TMEM201: variants seen among roughly 807,000 people sequenced by gnomAD.
TMEM201 encodes RP13-15M17.2.
Under a neutral mutation model 63.4 loss-of-function variants are expected in TMEM201, and 26 were observed. The ratio of observed to expected loss-of-function variants is 0.41; its 90% CI spans 0.30 to 0.57. The LOEUF is 0.57. Among genes scored for constraint, TMEM201 ranks in the 20% least tolerant of loss-of-function variants. The pLI, the probability that TMEM201 is intolerant of heterozygous loss-of-function variation, is 0.29. For synonymous variants in TMEM201, 417 were observed against 421.6 expected, an observed-to-expected ratio of 0.99 and a Z score of 0.14; for missense variants, 794 against 917.7, an observed-to-expected ratio of 0.87 and a Z score of 1.74.
At chr1:9,601,057 G>C (rs776480595) in intron 4 of TMEM201, 48 bp from the exon 5 acceptor site, 1 of 1,503,262 alleles carries the variant, frequency 6.7e-7, no homozygotes, top group Non-Finnish European at 9.1e-7. Flanking sequence ...ATGGCTGGGG[G>C]TGGCTCTGTG....
chr1:9,600,353 C>T (rs996894741), intron 4 of TMEM201, among the ~76,000 whole-genome samples: 8 of 152,186 alleles, frequency 5.3e-5, no homozygotes, highest in Admixed American at 4.6e-4. Flanking sequence ...GCAAGTTTCT[C>T]AGCTTCCCTG....
chr1:9,591,586 G>C (rs527803463), intron 1 of TMEM201, among the ~76,000 whole-genome samples: 1 of 152,244 alleles, frequency 6.6e-6, no homozygotes, highest in Non-Finnish European at 1.5e-5. Flanking sequence ...CCCAGGATCC[G>C]TGCTCTGCCA....
At chr1:9,591,450 G>T (rs367874830) in intron 1 of TMEM201, among the ~76,000 whole-genome samples, 1 of 152,330 alleles carries the variant, frequency 6.6e-6, no homozygotes, top group Non-Finnish European at 1.5e-5. Flanking sequence ...CGGCACAGTT[G>T]GGGGGCAGAT....
At position 9,596,885 on chromosome 1, in the gene TMEM201, C is replaced by T. The variant is rs143914018; in HGVS notation, c.261C>T (p.Pro87=). The T allele has an allele frequency of 5.2e-5, 83 of 1,600,654 alleles. No homozygotes were observed. The highest frequency in any genetic ancestry group is 3.5e-4 in the African/African-American group (26 of 74,878). Residue 87 remains proline (P), a synonymous_variant, in exon 3 of 11, where the codon CCC becomes CCT. Coordinates refer to ENST00000340381, the MANE Select transcript of TMEM201 (RefSeq NM_001130924.3). ...ACGGCGACTACAACAAGCCGATCCC[C>T]GCCCAGTACTTGGAGCACCTGAACC... ...QENGDYNKPI[P]AQYLEHLNHV...
chr1:9,611,662 A>G lies in TMEM201; in HGVS notation c.1766-91A>G, dbSNP rs1028412710. ...GACAGCCTGGCTCACCACTTCTGAC[A>G]ACTGTCCTTAGAGTGGAAGTACAGC... On this transcript the variant is annotated intron_variant, in intron 9 of 10. Coordinates refer to ENST00000340381, the MANE Select transcript of TMEM201 (RefSeq NM_001130924.3). The G allele has an allele frequency of 1.4e-5, 21 of 1,519,174 alleles. No individual in the cohort carries two copies. In the African/African-American group the frequency reaches 2.6e-4, roughly 19 times the overall value. The allele number at this position is 1,519,174 out of a possible 1,614,324, so 94.1% of individuals were successfully genotyped here.
At chr1:9,612,891 G>A in intron 10 of TMEM201, 95 bp from the exon 11 acceptor site, 1 of 1,077,636 alleles carries the variant, frequency 9.3e-7, no homozygotes, top group Non-Finnish European at 1.4e-6. Context: ...GCAGAGCCTT[G>A]AGCTCCCCAC....
intron 6 of TMEM201, chr1:9,606,681 T>C (rs1166222061): frequency 2.0e-5 from 3 of 152,320 alleles, no homozygotes; most frequent in Non-Finnish European, 4.4e-5. Flanking sequence ...GGTGGACTAA[T>C]GTATTAACTG....
At chr1:9,590,451 A>G (rs1302313845) in intron 1 of TMEM201, among the ~76,000 whole-genome samples, 1 of 152,150 alleles carries the variant, frequency 6.6e-6, no homozygotes, top group Non-Finnish European at 1.5e-5. Flanking sequence ...TGCCAGCCAC[A>G]CAGCACCTCC....
chr1:9,600,190 A>G (rs1378083751), intron 4 of TMEM201, among the ~76,000 whole-genome samples: 1 of 152,160 alleles, frequency 6.6e-6, no homozygotes, highest in East Asian at 1.9e-4. Context: ...AGATTTTACT[A>G]CTTAACCTCC....
rs572971897 is a variant in TMEM201 at position 9,603,386 on chromosome 1, C to T, written c.1160+1114C>T. 1.7e-4 allele frequency: 165 copies of T among 985,518 alleles called. No homozygotes were observed. Among genetic ancestry groups the T allele is most frequent in the South Asian group, 3.3e-4 (7 of 21,290 alleles). 61.0% of individuals were successfully genotyped at this position (985,518 alleles called of 1,614,324 possible). On this transcript the variant is annotated intron_variant, in intron 6 of 10. Coordinates refer to ENST00000340381, the MANE Select transcript of TMEM201 (RefSeq NM_001130924.3). This position sits in a 1 kb window ranked among gnomAD's most constrained non-coding sequence, Gnocchi z 4.5. ...CACTCTGGAAGTCGAGGGGCTGCCA[C>T]GTGCAGAGGAAGTTCCCGGCCTGGG...
intron 4 of TMEM201, among the ~76,000 whole-genome samples, chr1:9,600,189 T>A (rs780618028): frequency 6.6e-6 from 1 of 152,200 alleles, no homozygotes; most frequent in Non-Finnish European, 1.5e-5. Flanking sequence ...TAGATTTTAC[T>A]ACTTAACCTC....
At position 9,596,828 on chromosome 1, in the gene TMEM201, G is replaced by A. The variant is rs761674175; in HGVS notation, c.235-31G>A. 1.9e-6 allele frequency: 3 copies of A among 1,554,992 alleles called. No homozygotes were observed. The South Asian group carries it at 3.6e-5, about 19-fold the overall frequency. On this transcript the variant is annotated intron_variant, in intron 2 of 10. Transcript: ENST00000340381. ...AAGCCTGAGCCAGCTGGGAGGGCCT[G>A]CCTGCCTCGAGTCCCACCTCTCTCC...
chr1:9,600,755 C>T (rs1443999540), intron 4 of TMEM201, among the ~76,000 whole-genome samples: 1 of 151,724 alleles, frequency 6.6e-6, no homozygotes, highest in Non-Finnish European at 1.5e-5. Flanking sequence ...CCCATCTCTA[C>T]AAAAAAAATA....
chr1:9,591,785 C>G (rs1465926337), intron 1 of TMEM201, among the ~76,000 whole-genome samples: 1 of 151,124 alleles, frequency 6.6e-6, no homozygotes, highest in African/African-American at 2.5e-5. Context: ...CTCCCACTCA[C>G]TCTCCTGCTG....
intron 7 of TMEM201, among the ~76,000 whole-genome samples, chr1:9,609,585 T>A (rs1038818800): frequency 1.3e-5 from 2 of 152,162 alleles, no homozygotes; most frequent in African/African-American, 4.8e-5. Context: ...TCTGCCTACC[T>A]CAGCCTCCCA....
chr1:9,595,240 C>G (rs1420896560), intron 1 of TMEM201, among the ~76,000 whole-genome samples: 1 of 152,196 alleles, frequency 6.6e-6, no homozygotes, highest in African/African-American at 2.4e-5. Context: ...TATCCCGAGG[C>G]CCCACCTGTC....
intron 6 of TMEM201, chr1:9,602,926 C>T (rs1476821542): frequency 3.9e-5 from 38 of 985,442 alleles, no homozygotes; most frequent in Non-Finnish European, 4.5e-5. Flanking sequence ...TGCTCCAAGA[C>T]CCTCCCGAGT....
At position 9,604,519 on chromosome 1, in the gene TMEM201, G is replaced by A. The variant is rs1306248735; in HGVS notation, c.1160+2247G>A. On this transcript the variant is annotated intron_variant, in intron 6 of 10. Transcript: ENST00000340381. The surrounding 1 kb of genome is among the most constrained non-coding windows in gnomAD (Gnocchi z 4.1). ...ACCACTGTGTTGTGGCTTGTTGACC[G>A]GGAATGTGTCACCCCTGCCAGGGAA... 18 of 985,352 alleles carry A rather than the reference G, an allele frequency of 1.8e-5. No individual in the cohort carries two copies. The highest frequency in any genetic ancestry group is 1.1e-4 in the East Asian group (1 of 8,828). The allele number at this position is 985,352 out of a possible 1,614,324, so 61.0% of individuals were successfully genotyped here. A position where few individuals can be genotyped will look rare whatever the true frequency, so the allele number is the denominator to read the frequency against.
rs1222803717 is a variant in TMEM201, at chr1:9,614,379, G to GCTTTTTTAATA, written c.*1304_*1314dup. 6.6e-6 allele frequency: 1 copy of GCTTTTTTAATA among 151,960 alleles called. No homozygotes were observed. Among genetic ancestry groups the GCTTTTTTAATA allele is most frequent in the African/African-American group, 2.4e-5 (1 of 41,350 alleles). 9.4% of individuals were successfully genotyped at this position (151,960 alleles called of 1,614,324 possible). On this transcript the variant is annotated 3_prime_UTR_variant, in exon 11 of 11. Transcript: ENST00000340381. ...GGATTCTTTTTTTTAAGCTTTGGGT[G>GCTTTTTTAATA]CTTTTTTAATACTTTTTTTTTTAAT...
Sources: allele counts gnomAD v4.1 joint callset (sites outside exome capture counted in the v4.1 genomes callset), GRCh38; gene constraint gnomAD v4.1.1; non-coding constraint Gnocchi (gnomAD v3.1); transcripts MANE v1.5; gene names NCBI Gene and HGNC (gene_info 2026-07-23, HGNC 2026-07-21).